CDH18: variants seen among roughly 807,000 people sequenced by gnomAD.
The protein encoded by CDH18 is cadherin-18.
In CDH18, 31 loss-of-function variants were observed where a neutral mutation model predicts 67.9. The ratio of observed to expected loss-of-function variants is 0.46; its 90% CI spans 0.34 to 0.62. The LOEUF (loss-of-function observed/expected upper bound fraction) is 0.62, where lower values mean the gene tolerates loss of function less well. Among genes scored for constraint, CDH18 ranks in the 20% least tolerant of loss-of-function variants. The pLI, the probability that CDH18 is intolerant of heterozygous loss-of-function variation, is 0.01. For synonymous variants in CDH18, 362 were observed against 347.2 expected (o/e 1.04, Z -0.48); for missense variants, 890 against 975.5 (o/e 0.91, Z 1.17).
At chr5:20,494,939 C>A (rs1204589531) in intron 1 of CDH18, among the ~76,000 whole-genome samples, 2 of 152,100 alleles carry the variant, frequency 1.3e-5, no homozygotes, top group African/African-American at 4.8e-5. Context: ...ATGAGGGAAG[C>A]AGAGAGAGAC....
chr5:19,994,158 G>T (rs924022195), intron 2 of CDH18, among the ~76,000 whole-genome samples: 1 of 151,876 alleles, frequency 6.6e-6, no homozygotes, highest in African/African-American at 2.4e-5. Context: ...TGACAAAACG[G>T]TATCAGCTTT....
intron 3 of CDH18, among the ~76,000 whole-genome samples, chr5:19,748,007 G>C (rs542560417): frequency 2.7e-5 from 4 of 149,234 alleles, no homozygotes; most frequent in South Asian, 2.1e-4. Flanking sequence ...CAGCTACTCG[G>C]GGGGCTGAGG....
chr5:20,074,788 T>C (rs1743782836), intron 2 of CDH18, among the ~76,000 whole-genome samples: 1 of 151,822 alleles, frequency 6.6e-6, no homozygotes, highest in Admixed American at 6.6e-5. Flanking sequence ...TTATGTACAA[T>C]TTCTACAGTC....
chr5:20,106,595 C>T (rs1264099166), intron 2 of CDH18, among the ~76,000 whole-genome samples: 2 of 152,068 alleles, frequency 1.3e-5, no homozygotes, highest in Non-Finnish European at 2.9e-5. Flanking sequence ...TTGCACATTC[C>T]AAGTTTTATA....
At chr5:19,683,235 T>C (rs762380003) in intron 5 of CDH18, among the ~76,000 whole-genome samples, 3 of 152,120 alleles carry the variant, frequency 2.0e-5, no homozygotes, top group Non-Finnish European at 4.4e-5. Context: ...TTTCTCATGG[T>C]TTCTTAGCAA....
At chr5:19,629,532 T>C (rs1752094597) in intron 5 of CDH18, among the ~76,000 whole-genome samples, 2 of 152,202 alleles carry the variant, frequency 1.3e-5, no homozygotes, top group African/African-American at 4.8e-5. Context: ...CCCTGAATCA[T>C]ATACTAAAAA....
At chr5:19,892,170 A>C (rs541881480) in intron 2 of CDH18, among the ~76,000 whole-genome samples, 1 of 152,318 alleles carries the variant, frequency 6.6e-6, no homozygotes, top group Non-Finnish European at 1.5e-5. Context: ...TTGCAAATAA[A>C]AGTTAGAAGA....
At chr5:19,689,135 C>T (rs1761505189) in intron 5 of CDH18, among the ~76,000 whole-genome samples, 1 of 151,982 alleles carries the variant, frequency 6.6e-6, no homozygotes. Flanking sequence ...CTGAAAACCT[C>T]CTAAGTCTAG....
At chr5:20,220,777 G>GA (rs920661465) in intron 2 of CDH18, among the ~76,000 whole-genome samples, 9 of 151,392 alleles carry the variant, frequency 5.9e-5, no homozygotes, top group South Asian at 2.1e-4. Context: ...AACTCTATAG[G>GA]AAAAAAAATA....
intron 12 of CDH18, 100 bp downstream of exon 12, chr5:19,483,201 C>T (rs1296392852): frequency 5.1e-6 from 6 of 1,175,352 alleles, no homozygotes; most frequent in Admixed American, 4.7e-5. Flanking sequence ...CAGCTGTTTC[C>T]TTACCCACAT....
At chr5:19,818,508 A>G (rs989562224) in intron 3 of CDH18, among the ~76,000 whole-genome samples, 4 of 152,230 alleles carry the variant, frequency 2.6e-5, no homozygotes, top group Non-Finnish European at 5.9e-5. Flanking sequence ...AATTATAGTG[A>G]CTAATTATTA....
At chr5:19,880,275 A>G (rs920891125) in intron 2 of CDH18, among the ~76,000 whole-genome samples, 8 of 152,052 alleles carry the variant, frequency 5.3e-5, no homozygotes, top group African/African-American at 1.9e-4. Flanking sequence ...AGGCCTAGCT[A>G]TATTAGAAAC....
At chr5:19,794,813 A>G (rs1317240627) in intron 3 of CDH18, among the ~76,000 whole-genome samples, 3 of 152,168 alleles carry the variant, frequency 2.0e-5, no homozygotes, top group Admixed American at 6.6e-5. Context: ...TCTAGTTCAG[A>G]TAAGATGATA....
In CDH18 at chr5:20,452,275, GT is replaced by G. The variant is rs373017950; in HGVS notation, c.-580+123186del. On this transcript the variant is annotated intron_variant, in intron 1 of 14. Coordinates refer to the CDH18 transcript ENST00000507958. ...GCACATTAAACAAATTGTACTATGT[GT>G]TTTTTGTATTATCTTGGAATACTCA... Among the ~76,000 whole-genome samples, 1,189 of 152,208 alleles carry G rather than the reference GT, an allele frequency of 7.8e-3. 14 individuals are homozygous for G. The highest frequency in any genetic ancestry group is 0.027 in the African/African-American group (1,121 of 41,538).
At chr5:19,920,930 G>C (rs1335297666) in intron 2 of CDH18, among the ~76,000 whole-genome samples, 1 of 94,554 alleles carries the variant, frequency 1.1e-5, no homozygotes, top group Non-Finnish European at 2.3e-5. Context: ...CATCACCACA[G>C]GGGGATAGAG....
chr5:19,909,341 C>T (rs1790875580), intron 2 of CDH18, among the ~76,000 whole-genome samples: 1 of 150,358 alleles, frequency 6.7e-6, no homozygotes, highest in Non-Finnish European at 1.5e-5. Context: ...TGCTCCTTGC[C>T]CTGCCTGGAG....
At chr5:20,448,075 C>T (rs192221253) in intron 1 of CDH18, among the ~76,000 whole-genome samples, 147 of 152,016 alleles carry the variant, frequency 9.7e-4, no homozygotes, top group Non-Finnish European at 1.5e-3. Context: ...ACAACAGGCC[C>T]TGGTGTGTGA....
chr5:20,485,332 T>A (rs1157544612), intron 1 of CDH18, among the ~76,000 whole-genome samples: 1 of 152,160 alleles, frequency 6.6e-6, no homozygotes, highest in African/African-American at 2.4e-5. Context: ...GTGTGTAATG[T>A]TTATTGGTCA....
At chr5:19,550,440 T>A (rs1737209979) in intron 8 of CDH18, among the ~76,000 whole-genome samples, 1 of 137,018 alleles carries the variant, frequency 7.3e-6, no homozygotes, top group Admixed American at 7.5e-5. Flanking sequence ...CAGTCCCCGG[T>A]ATGTGATGTT....
Sources: gnomAD v4.1 joint callset for allele counts (sites outside exome capture counted in the v4.1 genomes callset) on GRCh38, gnomAD v4.1.1 for gene constraint, MANE v1.5 for transcripts, NCBI Gene and HGNC (gene_info 2026-07-23, HGNC 2026-07-21) for gene names.